Variants in MALRD1 observed in about 807,000 individuals in gnomAD.
MALRD1 encodes MAM and LDL-receptor class A domain-containing protein 1.
Under a neutral mutation model 242.1 loss-of-function variants are expected in MALRD1, and 247 were observed. That is an observed-to-expected ratio of 1.02 (90% CI 0.92 to 1.13). The LOEUF (loss-of-function observed/expected upper bound fraction) is 1.13. MALRD1 is among the 50% of genes most tolerant of loss of function. The pLI is 0.00. For synonymous variants in MALRD1, 995 were observed against 866.6 expected (o/e 1.15, Z -2.60); for missense variants, 2,989 against 2,533.1 (o/e 1.18, Z -3.86).
At chr10:19,426,677 C>T (rs1833914829) in intron 28 of MALRD1, among the ~76,000 whole-genome samples, 1 of 152,090 alleles carries the variant, frequency 6.6e-6, no homozygotes, top group African/African-American at 2.4e-5. Context: ...GTGGGGCATG[C>T]CTGTAGTCCC....
intron 26 of MALRD1, among the ~76,000 whole-genome samples, chr10:19,358,224 G>GTGTT (rs1588961651): frequency 6.6e-6 from 1 of 151,490 alleles, no homozygotes; most frequent in South Asian, 2.1e-4. Flanking sequence ...GTGTGTGTGT[G>GTGTT]TGTGTGTATG....
At chr10:19,227,522 G>A (rs1241822233) in intron 18 of MALRD1, among the ~76,000 whole-genome samples, 1 of 151,912 alleles carries the variant, frequency 6.6e-6, no homozygotes, top group Non-Finnish European at 1.5e-5. Context: ...AAAGCTTACT[G>A]AATAGGAAAA....
At chr10:19,374,850 T>C (rs1319715177) in intron 26 of MALRD1, among the ~76,000 whole-genome samples, 1 of 152,166 alleles carries the variant, frequency 6.6e-6, no homozygotes, top group Non-Finnish European at 1.5e-5. Flanking sequence ...AGCCAGAAAC[T>C]AGTAGTGTGA....
intron 26 of MALRD1, among the ~76,000 whole-genome samples, chr10:19,371,284 G>A (rs757948238): frequency 1.3e-5 from 2 of 151,828 alleles, no homozygotes; most frequent in Non-Finnish European, 2.9e-5. Context: ...AACAGAATTG[G>A]CATTGCTTCT....
At chr10:19,667,504 G>A (rs1455539543) in intron 36 of MALRD1, among the ~76,000 whole-genome samples, 1 of 152,044 alleles carries the variant, frequency 6.6e-6, no homozygotes, top group Admixed American at 6.6e-5. Flanking sequence ...TTGGGTCATG[G>A]GGACAGATTC....
intron 32 of MALRD1, among the ~76,000 whole-genome samples, chr10:19,543,735 A>G (rs1331836673): frequency 6.6e-6 from 1 of 152,102 alleles, no homozygotes; most frequent in Non-Finnish European, 1.5e-5. Flanking sequence ...CTGCAAACCA[A>G]TGGAGAATTC....
At position 19,387,753 on chromosome 10, in the gene MALRD1, A is replaced by G. The variant is rs1020625598; in HGVS notation, c.4667A>G (p.His1556Arg). The G allele has an allele frequency of 6.5e-6, 10 of 1,548,274 alleles. No homozygotes were observed. Among genetic ancestry groups the G allele is most frequent in the Non-Finnish European group, 7.9e-6 (9 of 1,146,214 alleles). The change falls in exon 27 of 40, where the codon CAC becomes CGC. Residue 1556 changes from histidine (H) to arginine (R), a missense_variant. Transcript: ENST00000454679. ...CAAAGCTTAAGACCTCCCAAAGACCACACACTTGGAAATGAAAATGGTAGG... is the reference window on the plus strand; with the variant it reads ...CAAAGCTTAAGACCTCCCAAAGACCGCACACTTGGAAATGAAAATGGTAGG... ...SHQSLRPPKD[H>R]TLGNENGHFM... is the part of the protein sequence containing the mutation.
chr10:19,316,371 A>C (rs1564556084), intron 21 of MALRD1, among the ~76,000 whole-genome samples: 1 of 152,066 alleles, frequency 6.6e-6, no homozygotes, highest in South Asian at 2.1e-4. Flanking sequence ...GGAATACTGC[A>C]GCAGAGTGGA....
chr10:19,603,122 A>T (rs1359386083), intron 34 of MALRD1, among the ~76,000 whole-genome samples: 1 of 151,702 alleles, frequency 6.6e-6, no homozygotes, highest in Non-Finnish European at 1.5e-5. Context: ...GATTGCAAAA[A>T]TTTTCTCCCA....
chr10:19,521,166 C>T (rs1488619331), intron 31 of MALRD1, among the ~76,000 whole-genome samples: 1 of 151,990 alleles, frequency 6.6e-6, no homozygotes, highest in East Asian at 1.9e-4. Context: ...ATTATCTCAT[C>T]GTTTTATAAG....
chr10:19,535,442 A>G (rs925596318), intron 32 of MALRD1, among the ~76,000 whole-genome samples: 18 of 151,334 alleles, frequency 1.2e-4, no homozygotes, highest in African/African-American at 3.9e-4. Flanking sequence ...GTATATGGCT[A>G]TAGATATTTC....
At chr10:19,077,893 T>A (rs1835366062) in intron 2 of MALRD1, among the ~76,000 whole-genome samples, 1 of 151,908 alleles carries the variant, frequency 6.6e-6, no homozygotes, top group South Asian at 2.1e-4. Flanking sequence ...AAAATTCACT[T>A]AATTATACTA....
chr10:19,293,450 G>GT (rs1841544390), intron 21 of MALRD1, among the ~76,000 whole-genome samples: 1 of 152,272 alleles, frequency 6.6e-6, no homozygotes, highest in East Asian at 1.9e-4. Context: ...TTGTCCTTGA[G>GT]TTAAGGATCT....
intron 30 of MALRD1, among the ~76,000 whole-genome samples, chr10:19,498,037 A>G (rs1446409312): frequency 6.6e-5 from 10 of 152,330 alleles, no homozygotes; most frequent in Middle Eastern, 3.4e-3. Context: ...TTTGTGTCCT[A>G]TACAGTTTAC....
chr10:19,284,022 A>T (rs890037202), intron 21 of MALRD1, among the ~76,000 whole-genome samples: 2 of 152,190 alleles, frequency 1.3e-5, no homozygotes, highest in African/African-American at 4.8e-5. Context: ...TTTGTTAGTG[A>T]TGGAGCATTT....
At chr10:19,408,772 G>T (rs1000982478) in intron 28 of MALRD1, among the ~76,000 whole-genome samples, 1 of 152,028 alleles carries the variant, frequency 6.6e-6, no homozygotes, top group Non-Finnish European at 1.5e-5. Flanking sequence ...TGATAATAAC[G>T]TCAATACCAA....
chr10:19,467,879 T>C (rs928135093), intron 29 of MALRD1, among the ~76,000 whole-genome samples: 5 of 152,030 alleles, frequency 3.3e-5, no homozygotes, highest in African/African-American at 1.2e-4. Context: ...CTGCAACCTC[T>C]GCCTCTTGGG....
At chr10:19,403,252 C>T (rs10128356) in intron 28 of MALRD1, among the ~76,000 whole-genome samples, 127,706 of 152,080 alleles carry the variant, frequency 0.84, 53,932 homozygotes, top group African/African-American at 0.87. Flanking sequence ...AAATAGAAGC[C>T]ATAAAAGTGG....
intron 31 of MALRD1, among the ~76,000 whole-genome samples, chr10:19,527,803 A>G (rs1834171578): frequency 6.6e-6 from 1 of 152,176 alleles, no homozygotes; most frequent in Non-Finnish European, 1.5e-5. Flanking sequence ...ATTATACCAT[A>G]TTTTTCTTAC....
Sources: allele counts gnomAD v4.1 joint callset (sites outside exome capture counted in the v4.1 genomes callset), GRCh38; gene constraint gnomAD v4.1.1; transcripts MANE v1.5; gene names NCBI Gene and HGNC (gene_info 2026-07-23, HGNC 2026-07-21).